The following TBC1D8B variants were observed in gnomAD, a reference collection of about 807,000 sequenced individuals.
The protein encoded by TBC1D8B is RP11-321G1.1.
TBC1D8B carries 75 observed loss-of-function variants against 82.9 expected under a neutral mutation model. The ratio of observed to expected loss-of-function variants is 0.90; its 90% CI spans 0.75 to 1.10. The LOEUF is 1.10. Among genes scored for constraint, TBC1D8B ranks in the 50% least tolerant of loss-of-function variants. The pLI, the probability that TBC1D8B is intolerant of heterozygous loss-of-function variation, is 0.00. For synonymous variants in TBC1D8B, 276 were observed against 276.8 expected (o/e 1.00, Z 0.03); for missense variants, 794 against 796.9 (o/e 1.00, Z 0.04).
intron 20 of TBC1D8B, among the ~76,000 whole-genome samples, 190 bp downstream of exon 20, chrX:106,871,003 A>G (rs1425995807): frequency 3.6e-5 from 4 of 111,849 alleles, no homozygotes; most frequent in African/African-American, 6.5e-5. Flanking sequence ...TAACACTCAA[A>G]TGTGTCCAGT....
At chrX:106,866,288 C>T (rs1932814835) in intron 16 of TBC1D8B, among the ~76,000 whole-genome samples, 1 of 111,551 alleles carries the variant, frequency 9.0e-6, no homozygotes, top group African/African-American at 3.3e-5. Context: ...CCCAATTTTC[C>T]CACACTCAGA....
intron 14 of TBC1D8B, among the ~76,000 whole-genome samples, chrX:106,864,043 C>G (rs895514952): frequency 6.3e-5 from 7 of 111,797 alleles, no homozygotes; most frequent in African/African-American, 2.3e-4. Context: ...TCCCAGGCAC[C>G]ATGACTTTGG....
intron 12 of TBC1D8B, among the ~76,000 whole-genome samples, chrX:106,853,143 C>A (rs1482812735): frequency 9.0e-6 from 1 of 110,972 alleles, no homozygotes; most frequent in African/African-American, 3.3e-5. Context: ...CCTTCACATC[C>A]CTTGTAAGTT....
rs1269857034 is a variant in TBC1D8B at position 106,874,014 on chromosome X, C to T, written c.*49C>T. 8.9e-7 allele frequency: 1 copy of T among 1,126,870 alleles called. No individual in the cohort carries two copies. Among genetic ancestry groups the T allele is most frequent in the Admixed American group, 2.9e-5 (1 of 33,981 alleles). 92.9% of individuals were successfully genotyped at this position (1,126,870 alleles called of 1,213,427 possible). On this transcript the variant is annotated 3_prime_UTR_variant, in exon 21 of 21. Transcript: ENST00000357242. ...GACAAGTTTACTAACATTCCTGTAG[C>T]TGTCAGTTTGATTCCTGTGAGTAGG...
At chrX:106,823,803 A>G (rs1205578781) in intron 5 of TBC1D8B, among the ~76,000 whole-genome samples, 3 of 112,018 alleles carry the variant, frequency 2.7e-5, no homozygotes, top group African/African-American at 9.7e-5. Context: ...TAGTCTAGAC[A>G]GTTTGGGTCT....
intron 7 of TBC1D8B, among the ~76,000 whole-genome samples, chrX:106,831,972 A>G (rs1158335912): frequency 9.0e-6 from 1 of 111,575 alleles, no homozygotes; most frequent in East Asian, 2.8e-4. Flanking sequence ...CTTAGTAAAG[A>G]GAAAGCTTTT....
chrX:106,827,170 G>A lies in TBC1D8B; in HGVS notation c.1036G>A (p.Val346Ile). 4 of 1,209,044 alleles carry A rather than the reference G, an allele frequency of 3.3e-6. No individual in the cohort carries two copies. The highest frequency in any genetic ancestry group is 5.9e-5 in the East Asian group (2 of 33,742). Reference protein sequence around the residue: ...QCSVIIPLREVLAIDKTNDSS... With the variant: ...QCSVIIPLREILAIDKTNDSS... ...GACCTCTATGTTTTTCACCCCCTAG[G>A]TCTTAGCTATAGATAAGACAAATGA... The change falls in exon 7 of 21, where the codon GTC becomes ATC. Residue 346 changes from valine (V) to isoleucine (I), a missense_variant and splice_region_variant. Coordinates refer to ENST00000357242, the MANE Select transcript of TBC1D8B (RefSeq NM_017752.3).
At chrX:106,850,343 G>C in intron 12 of TBC1D8B, 33 bp downstream of exon 12, 1 of 1,124,579 alleles carries the variant, frequency 8.9e-7, no homozygotes, top group Non-Finnish European at 1.2e-6. Flanking sequence ...TAAATCTGGA[G>C]GAGATTTGAG....
intron 1 of TBC1D8B, among the ~76,000 whole-genome samples, chrX:106,817,705 A>T (rs183237612): frequency 1.8e-5 from 2 of 111,518 alleles, no homozygotes; most frequent in East Asian, 5.6e-4. Flanking sequence ...CTCAACCTGT[A>T]TAGACTCTAA....
Position 106,822,103 on chromosome X carries a change from T to G in TBC1D8B, c.487T>G (p.Tyr163Asp). Residue 163 changes from tyrosine to aspartate, a missense_variant, in exon 4 of 21, where the codon TAT becomes GAT. Tyr to Asp is a radical substitution (Grantham distance 160, BLOSUM62 -3). Transcript: ENST00000357242. ...LPEKEKLVTY[Y>D]SCSYWKGRVP... ...AGAGAAGGAGAAGTTAGTGACCTAT[T>G]ATTCATGCAGTTATTGGAAAGGACG... 1.7e-6 allele frequency: 2 copies of G among 1,210,648 alleles called. No homozygotes were observed. The highest frequency in any genetic ancestry group is 2.2e-6 in the Non-Finnish European group (2 of 894,824).
chrX:106,868,747 G>T (rs1335290483), intron 18 of TBC1D8B, among the ~76,000 whole-genome samples: 1 of 111,752 alleles, frequency 8.9e-6, no homozygotes, highest in Non-Finnish European at 1.9e-5. Context: ...AAATGTATTA[G>T]ACCATTTTCA....
At chrX:106,843,457 C>T (rs898129817) in intron 10 of TBC1D8B, among the ~76,000 whole-genome samples, 21 of 111,559 alleles carry the variant, frequency 1.9e-4, no homozygotes, top group Admixed American at 1.7e-3. Context: ...GCAGCCATTC[C>T]GGTGAGCGTG....
chrX:106,870,664 G>A (rs772551497), intron 19 of TBC1D8B, 52 bp from the exon 20 acceptor site: 24 of 785,394 alleles, frequency 3.1e-5, no homozygotes, highest in Non-Finnish European at 1.3e-5. Context: ...TTGAATTTTG[G>A]GAAAGTATAG....
intron 17 of TBC1D8B, 54 bp downstream of exon 17, chrX:106,866,916 C>A: frequency 1.1e-6 from 1 of 911,338 alleles, no homozygotes; most frequent in Non-Finnish European, 1.5e-6. Context: ...TCCATTTTAG[C>A]AAGTATAATT....
At chrX:106,845,140 C>G (rs1231480293) in intron 10 of TBC1D8B, among the ~76,000 whole-genome samples, 1 of 110,477 alleles carries the variant, frequency 9.1e-6, no homozygotes, top group Non-Finnish European at 1.9e-5. Context: ...CTTTTGCACT[C>G]TTGATCTCTC....
Position 106,870,662 on chromosome X carries a change from T to G in TBC1D8B, c.2870-54T>G, listed in dbSNP as rs1932842312. ...AATCATAATTATTATTTTTGAATTTTGGGAAAGTATAGTGGGCTGTTCCTT... is the reference window on the plus strand; with the variant it reads ...AATCATAATTATTATTTTTGAATTTGGGGAAAGTATAGTGGGCTGTTCCTT... On this transcript the variant is annotated intron_variant, in intron 19 of 20. Transcript: ENST00000357242. The G allele has an allele frequency of 6.5e-6, 5 of 767,392 alleles. No individual in the cohort carries two copies. In the South Asian group the frequency reaches 1.2e-4, roughly 19 times the overall value. The allele number at this position is 767,392 out of a possible 1,213,427, so 63.2% of individuals were successfully genotyped here. A position where few individuals can be genotyped will look rare whatever the true frequency, so the allele number is the denominator to read the frequency against.
chrX:106,859,349 T>A (rs1295761642), intron 14 of TBC1D8B, among the ~76,000 whole-genome samples: 1 of 112,117 alleles, frequency 8.9e-6, no homozygotes, highest in East Asian at 2.8e-4. Context: ...GAGAATGGAA[T>A]GTTTTTCATT....
At chrX:106,859,048 A>AT (rs1932749821) in intron 14 of TBC1D8B, among the ~76,000 whole-genome samples, 1 of 111,760 alleles carries the variant, frequency 8.9e-6, no homozygotes, top group Non-Finnish European at 1.9e-5. Flanking sequence ...TGGGCACTCC[A>AT]TTCTGTTCCG....
chrX:106,832,090 T>A (rs920712269), intron 7 of TBC1D8B, among the ~76,000 whole-genome samples: 3 of 111,371 alleles, frequency 2.7e-5, no homozygotes, highest in Non-Finnish European at 5.7e-5. Flanking sequence ...TTCTATAATT[T>A]TAATAAACCT....
Sources: allele counts gnomAD v4.1 joint callset (sites outside exome capture counted in the v4.1 genomes callset), GRCh38; gene constraint gnomAD v4.1.1; transcripts MANE v1.5; gene names NCBI Gene and HGNC (gene_info 2026-07-23, HGNC 2026-07-21).